Variants in UBE2G1 observed in about 807,000 individuals in gnomAD.
The protein encoded by UBE2G1 is ubiquitin conjugating enzyme E2 G1, also known as ubiquitin-conjugating enzyme E2 G1.
UBE2G1 carries 5 observed loss-of-function variants against 22.7 expected under a neutral mutation model. The observed-to-expected ratio is 0.22, with a 90% CI of 0.12 to 0.46. UBE2G1 has a LOEUF of 0.46. Ranked by LOEUF, UBE2G1 falls within the 20% of genes least tolerant of loss-of-function variation. The probability of loss-of-function intolerance (pLI) is 0.99; values close to 1 mark genes in which losing one functional copy is unlikely to be tolerated. For synonymous variants in UBE2G1, 74 were observed against 67.5 expected, an observed-to-expected ratio of 1.10 and a Z score of -0.47; for missense variants, 88 against 203.9, an observed-to-expected ratio of 0.43 and a Z score of 3.46.
intron 4 of UBE2G1, among the ~76,000 whole-genome samples, chr17:4,288,768 A>C (rs928241822): frequency 1.3e-5 from 2 of 152,150 alleles, no homozygotes; most frequent in Non-Finnish European, 2.9e-5. Flanking sequence ...GGAGAATTTA[A>C]GTGTTCTCAC....
At chr17:4,319,818 A>T (rs1969416660) in intron 1 of UBE2G1, among the ~76,000 whole-genome samples, 1 of 152,216 alleles carries the variant, frequency 6.6e-6, no homozygotes, top group African/African-American at 2.4e-5. Context: ...AGGACTTAAG[A>T]AATGGTACTT....
intron 3 of UBE2G1, among the ~76,000 whole-genome samples, chr17:4,295,190 G>C (rs1368529269): frequency 6.6e-6 from 1 of 152,212 alleles, no homozygotes; most frequent in East Asian, 1.9e-4. Flanking sequence ...AGCCTAGGAA[G>C]AGATAAAAGA....
intron 1 of UBE2G1, among the ~76,000 whole-genome samples, chr17:4,350,848 T>C (rs545081231): frequency 2.2e-4 from 34 of 151,720 alleles, no homozygotes; most frequent in African/African-American, 7.7e-4. Flanking sequence ...CTGGCTAACA[T>C]GGTGAAACCC....
intron 1 of UBE2G1, chr17:4,335,185 G>C (rs1969630745): frequency 1.3e-5 from 2 of 152,128 alleles, no homozygotes; most frequent in African/African-American, 4.8e-5. Context: ...AAATATTCCT[G>C]AATCTGCAGT....
rs542176284 is a variant in UBE2G1 at position 4,270,527 on chromosome 17, G to A, written c.*2027C>T. On this transcript the variant is annotated 3_prime_UTR_variant, in exon 6 of 6. Coordinates refer to ENST00000396981, the MANE Select transcript of UBE2G1 (RefSeq NM_003342.5). Reference sequence around the variant, plus strand: ...TCGTTGCCACTGCACTCCAGCCTGGGTGACAGAGAGACCCAGTTTCTTAAA... The same window carrying A: ...TCGTTGCCACTGCACTCCAGCCTGGATGACAGAGAGACCCAGTTTCTTAAA... 2.7e-5 allele frequency: 4 copies of A among 147,690 alleles called. No homozygotes were observed. The highest frequency in any genetic ancestry group is 3.0e-5 in the Non-Finnish European group (2 of 67,444). The allele number at this position is 147,690 out of a possible 1,614,324, so 9.1% of individuals were successfully genotyped here.
At chr17:4,322,873 A>G (rs1284881653) in intron 1 of UBE2G1, among the ~76,000 whole-genome samples, 1 of 152,216 alleles carries the variant, frequency 6.6e-6, no homozygotes, top group Non-Finnish European at 1.5e-5. Context: ...GGAACCACCG[A>G]GCACTGTGGC....
At chr17:4,287,538 T>C (rs1968979831) in intron 4 of UBE2G1, among the ~76,000 whole-genome samples, 1 of 152,230 alleles carries the variant, frequency 6.6e-6, no homozygotes, top group Non-Finnish European at 1.5e-5. Context: ...TGTCTTACAT[T>C]GTTTAGACTA....
chr17:4,333,884 C>A (rs1361850917), intron 1 of UBE2G1, among the ~76,000 whole-genome samples: 2 of 152,262 alleles, frequency 1.3e-5, no homozygotes, highest in Middle Eastern at 3.4e-3. Context: ...CTCTTAGTAA[C>A]CACAAGTTGT....
intron 4 of UBE2G1, among the ~76,000 whole-genome samples, chr17:4,288,297 G>A (rs1441434742): frequency 1.3e-5 from 2 of 152,022 alleles, no homozygotes; most frequent in Non-Finnish European, 2.9e-5. Flanking sequence ...CCAGATCTCG[G>A]CTCACTGCAA....
chr17:4,361,955 GTC>G, intron 1 of UBE2G1, among the ~76,000 whole-genome samples: 1 of 96,226 alleles, frequency 1.0e-5, no homozygotes, highest in Non-Finnish European at 1.8e-5. Context: ...GAGCAAGACT[GTC>G]TCAAAAAAAA....
intron 1 of UBE2G1, among the ~76,000 whole-genome samples, chr17:4,339,813 C>T (rs1340822466): frequency 6.6e-6 from 1 of 151,764 alleles, no homozygotes; most frequent in Non-Finnish European, 1.5e-5. Context: ...CATGCCATTG[C>T]GCTCCAGCCT....
intron 1 of UBE2G1, among the ~76,000 whole-genome samples, chr17:4,318,863 T>C (rs781400951): frequency 6.6e-6 from 1 of 152,156 alleles, no homozygotes; most frequent in Non-Finnish European, 1.5e-5. Context: ...TTTAAGTTCA[T>C]TTCAACCACC....
intron 1 of UBE2G1, among the ~76,000 whole-genome samples, chr17:4,349,768 G>C (rs758291963): frequency 2.9e-4 from 44 of 151,906 alleles, no homozygotes; most frequent in Admixed American, 1.2e-3. Context: ...GCATGAACCC[G>C]GGAGGCGGAG....
chr17:4,281,116 C>T (rs2143681076), intron 5 of UBE2G1, among the ~76,000 whole-genome samples: 1 of 152,246 alleles, frequency 6.6e-6, no homozygotes, highest in Middle Eastern at 3.4e-3. Flanking sequence ...TAGCCACCCT[C>T]TATAACAGAA....
At chr17:4,279,753 C>T (rs747026233) in intron 5 of UBE2G1, among the ~76,000 whole-genome samples, 2 of 116,254 alleles carry the variant, frequency 1.7e-5, no homozygotes, top group African/African-American at 6.2e-5. Flanking sequence ...CCAGCCCGAG[C>T]GACACAGCGA....
chr17:4,296,180 C>A (rs904119483), intron 3 of UBE2G1, among the ~76,000 whole-genome samples: 1 of 151,888 alleles, frequency 6.6e-6, no homozygotes, highest in African/African-American at 2.4e-5. Context: ...AGTAACCATG[C>A]CCTCTGGTTT....
At chr17:4,300,791 C>T (rs1023258519) in intron 2 of UBE2G1, among the ~76,000 whole-genome samples, 1 of 151,570 alleles carries the variant, frequency 6.6e-6, no homozygotes, top group Non-Finnish European at 1.5e-5. Context: ...GGTGAAATCC[C>T]ATCTCTACTA....
chr17:4,337,330 AAAAG>A (rs1369234308), intron 1 of UBE2G1, among the ~76,000 whole-genome samples: 4 of 143,696 alleles, frequency 2.8e-5, no homozygotes, highest in African/African-American at 5.3e-5. Flanking sequence ...AAAAAAAAAA[AAAAG>A]AAAAGAAAAG....
At position 4,282,865 on chromosome 17, in the gene UBE2G1, T is replaced by A. The variant is rs985991301; in HGVS notation, c.483A>T (p.Val161=). ...CAAAAGCAGTCTCTTGGCTTTTTCT[T>A]ACACAGCGGGCAACTTTTCTTTTAA... is the stretch of plus-strand genomic sequence containing the variant. ...GEFKRKVARC[V]RKSQETAFE Residue 161 remains valine, a synonymous_variant, in exon 5 of 6, where the codon GTA becomes GTT. Transcript: ENST00000396981. 1 of 1,613,376 alleles carries A rather than the reference T, an allele frequency of 6.2e-7. No homozygotes were observed. Among genetic ancestry groups the A allele is most frequent in the African/African-American group, 1.3e-5 (1 of 75,054 alleles).
Sources: gnomAD v4.1 joint callset for allele counts (sites outside exome capture counted in the v4.1 genomes callset) on GRCh38, gnomAD v4.1.1 for gene constraint, MANE v1.5 for transcripts, NCBI Gene and HGNC (gene_info 2026-07-23, HGNC 2026-07-21) for gene names.